WWOX: variants seen among roughly 807,000 people sequenced by gnomAD.
WWOX encodes WW domain containing oxidoreductase, also known as WW domain-containing oxidoreductase.
In WWOX, 69 loss-of-function variants were observed where a neutral mutation model predicts 46.2. The ratio of observed to expected loss-of-function variants is 1.49; its 90% CI spans 1.23 to 1.82. WWOX has a LOEUF of 1.82. Ranked by LOEUF, WWOX falls within the 40% of genes most tolerant of loss-of-function variation. The pLI is 0.00. For missense variants in WWOX, 919 were observed against 542.6 expected (o/e 1.69, Z -6.89); for synonymous variants, 359 against 202.6 (o/e 1.77, Z -6.56).
At chr16:78,316,305 C>T (rs75862460) in intron 5 of WWOX, among the ~76,000 whole-genome samples, 4,226 of 152,170 alleles carry the variant, frequency 0.028, 187 homozygotes, top group African/African-American at 0.095. Flanking sequence ...CTGTTGTGTA[C>T]CTCAGATGGC....
At chr16:78,970,446 G>C (rs1339270368) in intron 8 of WWOX, among the ~76,000 whole-genome samples, 1 of 152,142 alleles carries the variant, frequency 6.6e-6, no homozygotes, top group Admixed American at 6.5e-5. Flanking sequence ...TCTTGCTCTT[G>C]AGCGATCACA....
At chr16:79,096,654 A>G (rs2049080640) in intron 8 of WWOX, among the ~76,000 whole-genome samples, 1 of 152,178 alleles carries the variant, frequency 6.6e-6, no homozygotes, top group Admixed American at 6.5e-5. Context: ...TATCATTGCC[A>G]TCAATCCAAG....
At position 78,788,404 on chromosome 16, in the gene WWOX, C is replaced by G. The variant is rs1421111937; in HGVS notation, c.1056+355652C>G. ...GCCCCAAGGCAGGACTCTAATCTTC[C>G]CCACCTTTTTGATTGTGAGTCTTCA... On this transcript the variant is annotated intron_variant, in intron 8 of 8. Coordinates refer to ENST00000566780, the MANE Select transcript of WWOX (RefSeq NM_016373.4). Among the ~76,000 whole-genome samples the G allele has an allele frequency of 2.0e-5, 3 of 152,198 alleles. No individual in the cohort carries two copies. The East Asian group carries it at 5.8e-4, about 29-fold the overall frequency.
At chr16:78,865,110 T>G (rs1471345192) in intron 8 of WWOX, among the ~76,000 whole-genome samples, 1 of 152,176 alleles carries the variant, frequency 6.6e-6, no homozygotes, top group African/African-American at 2.4e-5. Context: ...TTAAACACCC[T>G]TATTAACATA....
intron 5 of WWOX, among the ~76,000 whole-genome samples, chr16:78,294,937 G>A (rs958049663): frequency 1.3e-5 from 2 of 152,186 alleles, no homozygotes; most frequent in Admixed American, 6.5e-5. Context: ...AAGGAGATAC[G>A]CGACTTTCTA....
intron 8 of WWOX, among the ~76,000 whole-genome samples, chr16:78,997,380 C>G (rs2047011323): frequency 6.6e-6 from 1 of 152,152 alleles, no homozygotes. Flanking sequence ...GGGTCTGTTT[C>G]TATTCTTACC....
chr16:78,591,523 T>C (rs2045352132), intron 8 of WWOX, among the ~76,000 whole-genome samples: 1 of 152,216 alleles, frequency 6.6e-6, no homozygotes, highest in Non-Finnish European at 1.5e-5. Context: ...ATTAAGAGAC[T>C]GTGGGGTGGT....
chr16:79,066,150 T>A (rs763181593), intron 8 of WWOX, among the ~76,000 whole-genome samples: 2 of 152,182 alleles, frequency 1.3e-5, no homozygotes, highest in Non-Finnish European at 2.9e-5. Context: ...TCTACTAATC[T>A]TTGAGTTTGC....
chr16:79,125,734 T>C (rs1300349060), intron 8 of WWOX, among the ~76,000 whole-genome samples: 1 of 152,190 alleles, frequency 6.6e-6, no homozygotes, highest in Non-Finnish European at 1.5e-5. Context: ...GGAACATAGC[T>C]TTGGGGCAGT....
At chr16:78,729,002 T>A (rs2048900336) in intron 8 of WWOX, among the ~76,000 whole-genome samples, 2 of 152,114 alleles carry the variant, frequency 1.3e-5, no homozygotes, top group Non-Finnish European at 2.9e-5. Context: ...GTGTAGTGGT[T>A]TGTAGGGTCA....
intron 8 of WWOX, among the ~76,000 whole-genome samples, chr16:78,578,074 C>T (rs998031773): frequency 6.6e-6 from 1 of 151,362 alleles, no homozygotes; most frequent in African/African-American, 2.4e-5. Flanking sequence ...ACATCACTAG[C>T]CACCTGCTTC....
At chr16:78,598,495 A>T (rs907684394) in intron 8 of WWOX, among the ~76,000 whole-genome samples, 1 of 152,174 alleles carries the variant, frequency 6.6e-6, no homozygotes, top group Non-Finnish European at 1.5e-5. Context: ...ACAATTCAGC[A>T]AATAGCCAGA....
chr16:78,193,634 C>T (rs1180990361), intron 5 of WWOX, among the ~76,000 whole-genome samples: 1 of 152,092 alleles, frequency 6.6e-6, no homozygotes, highest in African/African-American at 2.4e-5. Flanking sequence ...TATGTTTTGG[C>T]TGTTTAGGGG....
intron 8 of WWOX, among the ~76,000 whole-genome samples, chr16:78,711,682 C>T (rs1447778791): frequency 6.6e-6 from 1 of 152,140 alleles, no homozygotes; most frequent in East Asian, 1.9e-4. Context: ...AAAGAACCTT[C>T]CATAAGGGGA....
intron 8 of WWOX, among the ~76,000 whole-genome samples, chr16:79,191,919 C>T (rs2051144441): frequency 6.6e-6 from 1 of 152,174 alleles, no homozygotes; most frequent in Admixed American, 6.5e-5. Context: ...TTTAAGGGAG[C>T]AAGAGATCAG....
At chr16:78,956,325 A>G (rs1299532922) in intron 8 of WWOX, among the ~76,000 whole-genome samples, 1 of 151,832 alleles carries the variant, frequency 6.6e-6, no homozygotes, top group African/African-American at 2.4e-5. Flanking sequence ...TTTTTTTAAT[A>G]TATATTTTTA....
chr16:79,109,800 C>G (rs529958123), intron 8 of WWOX, among the ~76,000 whole-genome samples: 59 of 152,300 alleles, frequency 3.9e-4, no homozygotes, highest in African/African-American at 1.3e-3. Flanking sequence ...GAGTCATTTT[C>G]TCTCTAAGGC....
At chr16:78,401,756 A>G (rs1445953642) in intron 6 of WWOX, among the ~76,000 whole-genome samples, 1 of 151,620 alleles carries the variant, frequency 6.6e-6, no homozygotes, top group African/African-American at 2.4e-5. Flanking sequence ...CTGGAGTGTG[A>G]TGGTGTGATC....
At chr16:78,721,950 T>A (rs1370761057) in intron 8 of WWOX, among the ~76,000 whole-genome samples, 1 of 152,380 alleles carries the variant, frequency 6.6e-6, no homozygotes, top group South Asian at 2.1e-4. Context: ...CCTTTGCTAC[T>A]TTTTGCCTAT....
Sources: allele counts gnomAD v4.1 joint callset (sites outside exome capture counted in the v4.1 genomes callset), GRCh38; gene constraint gnomAD v4.1.1; transcripts MANE v1.5; gene names NCBI Gene and HGNC (gene_info 2026-07-23, HGNC 2026-07-21).